MED12L: variants seen among roughly 807,000 people sequenced by gnomAD.
MED12L encodes the protein mediator of RNA polymerase II transcription subunit 12-like protein.
A neutral mutation model predicts 281.3 loss-of-function variants in MED12L; 60 were observed. That is an observed-to-expected ratio of 0.21 (90% CI 0.17 to 0.26). The LOEUF (loss-of-function observed/expected upper bound fraction) is 0.26. MED12L is among the 10% of genes least tolerant of loss of function. The probability of loss-of-function intolerance (pLI) is 1.00; values close to 1 mark genes in which losing one functional copy is unlikely to be tolerated. For missense variants in MED12L, 2,146 were observed against 2,680.9 expected (o/e 0.80, Z 4.41); for synonymous variants, 974 against 987.2 (o/e 0.99, Z 0.25).
intron 16 of MED12L, among the ~76,000 whole-genome samples, chr3:151,239,716 G>C (rs992760282): frequency 4.6e-5 from 7 of 152,088 alleles, no homozygotes; most frequent in African/African-American, 7.2e-5. Flanking sequence ...AAAAATTTGA[G>C]AATTCTTGGC....
chr3:151,213,161 T>C, intron 16 of MED12L: 1 of 648,022 alleles, frequency 1.5e-6, no homozygotes, highest in East Asian at 2.8e-5. Flanking sequence ...GAAACTTATA[T>C]TTGAATTTTA....
At position 151,086,966 on chromosome 3, in the gene MED12L, C is replaced by T; in HGVS notation, c.40C>T (p.Leu14=). The T allele has an allele frequency of 6.2e-7, 1 of 1,610,220 alleles. No homozygotes were observed. ...FGLLSYEQRP[L]KRPRLGPPDV... is the part of the protein sequence containing the mutation. ...GCTTCTCAGCTATGAGCAGAGACCG[C>T]TGAAGCGCCCCCGGCTCGGGCCGCC... is the stretch of plus-strand genomic sequence containing the variant. The change falls in exon 2 of 45, where the codon CTG becomes TTG. Residue 14 remains leucine, a synonymous_variant. Transcript: ENST00000687756.
rs189356908 is a variant in MED12L, at chr3:151,137,148, T to G, written c.556+9164T>G. Reference sequence around the variant, plus strand: ...CTGCACTCCAGCCTGGTAACAGAGGTAGACTCCGTCTCAAAAAAAAAAAGA... The same window carrying G: ...CTGCACTCCAGCCTGGTAACAGAGGGAGACTCCGTCTCAAAAAAAAAAAGA... On this transcript the variant is annotated intron_variant, in intron 5 of 44. Coordinates refer to ENST00000687756, the MANE Select transcript of MED12L (RefSeq NM_001393769.1). Among the ~76,000 whole-genome samples the G allele has an allele frequency of 2.6e-3, 346 of 131,204 alleles. 4 individuals carry two copies. The highest frequency in any genetic ancestry group is 9.8e-3 in the African/African-American group (327 of 33,510). The allele number at this position is 131,204 out of a possible 152,430, so 86.1% of individuals were successfully genotyped here.
intron 16 of MED12L, among the ~76,000 whole-genome samples, chr3:151,285,290 C>A (rs1048203301): frequency 7.2e-5 from 11 of 151,882 alleles, no homozygotes; most frequent in Admixed American, 5.9e-4. Context: ...CAAGACCATC[C>A]TGGCTAACAC....
At chr3:151,127,290 A>T (rs960056554) in intron 4 of MED12L, among the ~76,000 whole-genome samples, 44 of 152,330 alleles carry the variant, frequency 2.9e-4, no homozygotes, top group African/African-American at 1.1e-3. Flanking sequence ...CTGATCCATC[A>T]TTGTAGTCTC....
chr3:151,130,579 C>G (rs970910927), intron 5 of MED12L, among the ~76,000 whole-genome samples: 1 of 152,146 alleles, frequency 6.6e-6, no homozygotes, highest in Non-Finnish European at 1.5e-5. Flanking sequence ...CTTGCATGGC[C>G]CCTTGTCCCA....
chr3:151,121,951 T>A (rs992414608), intron 3 of MED12L, among the ~76,000 whole-genome samples: 3 of 152,064 alleles, frequency 2.0e-5, no homozygotes, highest in African/African-American at 7.2e-5. Context: ...TGACCTCAGG[T>A]GATCCGCCTG....
intron 16 of MED12L, chr3:151,328,249 A>C: frequency 6.2e-7 from 1 of 1,613,960 alleles, no homozygotes; most frequent in Non-Finnish European, 8.5e-7. Context: ...AATGAAATGG[A>C]GCAAAACACA....
At chr3:151,242,297 C>T (rs1297377714) in intron 16 of MED12L, among the ~76,000 whole-genome samples, 4 of 152,248 alleles carry the variant, frequency 2.6e-5, no homozygotes, top group Non-Finnish European at 5.9e-5. Context: ...CTGCCTGCCT[C>T]TCTAGGCTCC....
At chr3:151,225,624 G>T (rs890261348) in intron 16 of MED12L, among the ~76,000 whole-genome samples, 1 of 152,230 alleles carries the variant, frequency 6.6e-6, no homozygotes, top group Non-Finnish European at 1.5e-5. Flanking sequence ...CTTTCTGTCA[G>T]ATCCTATCGG....
At chr3:151,334,282 AC>A (rs1168830164) in intron 16 of MED12L, among the ~76,000 whole-genome samples, 1 of 141,664 alleles carries the variant, frequency 7.1e-6, no homozygotes, top group Non-Finnish European at 1.5e-5. Context: ...ATTTCTCACT[AC>A]CTATTGATTA....
At position 151,141,189 on chromosome 3, in the gene MED12L, T is replaced by TTGTTTTTTTTTTTTTTG. The variant is rs1553808534; in HGVS notation, c.556+13206_556+13207insGTTTTTTTTTTTTTTGT. 3.0e-4 allele frequency among the ~76,000 whole-genome samples: 42 copies of TTGTTTTTTTTTTTTTTG among 138,086 alleles called. 2 individuals carry two copies. Among genetic ancestry groups the TTGTTTTTTTTTTTTTTG allele is most frequent in the African/African-American group, 1.2e-3 (41 of 34,998 alleles). 90.6% of individuals were successfully genotyped at this position (138,086 alleles called of 152,430 possible). A position where few individuals can be genotyped will look rare whatever the true frequency, so the allele number is the denominator to read the frequency against. ...GCGTTTTTTTTTTTGTTTTTTTTGT[T>TTGTTTTTTTTTTTTTTG]TTTTTTTTTTTGTTAGTAGAGACGG... is the stretch of plus-strand genomic sequence containing the variant. On this transcript the variant is annotated intron_variant, in intron 5 of 44. Coordinates refer to ENST00000687756, the MANE Select transcript of MED12L (RefSeq NM_001393769.1).
At chr3:151,429,607 G>A (rs1224465967) in intron 43 of MED12L, among the ~76,000 whole-genome samples, 1 of 152,084 alleles carries the variant, frequency 6.6e-6, no homozygotes, top group African/African-American at 2.4e-5. Context: ...TTCCTCTTTG[G>A]AATAACCACA....
chr3:151,126,668 C>T (rs909068588), intron 4 of MED12L, among the ~76,000 whole-genome samples: 3 of 152,122 alleles, frequency 2.0e-5, no homozygotes, highest in African/African-American at 7.2e-5. Context: ...ACAGAGAGAC[C>T]AGGGCTCTTG....
At chr3:151,194,122 C>T (rs868170022) in intron 16 of MED12L, among the ~76,000 whole-genome samples, 16 of 151,918 alleles carry the variant, frequency 1.1e-4, no homozygotes, top group African/African-American at 2.9e-4. Flanking sequence ...CCTGCCACCA[C>T]GCCTGGCTAA....
At chr3:151,330,040 A>G (rs3971192) in intron 16 of MED12L, among the ~76,000 whole-genome samples, 28,045 of 152,112 alleles carry the variant, frequency 0.18, 3,199 homozygotes, top group South Asian at 0.33. Flanking sequence ...GAAGACTATT[A>G]GATCCAGATT....
In MED12L at chr3:151,411,439, G is replaced by C. The variant is rs773774729; in HGVS notation, c.6072G>C (p.Gln2024His). 2 of 1,614,166 alleles carry C rather than the reference G, an allele frequency of 1.2e-6. No individual in the cohort carries two copies. Among genetic ancestry groups the C allele is most frequent in the Admixed American group, 3.3e-5 (2 of 60,022 alleles). The change falls in exon 41 of 45, where the codon CAG becomes CAC. Residue 2024 changes from glutamine to histidine, a missense_variant. By Grantham distance (24) the Gln-to-His change is conservative. Around this residue, in one of 9 missense-constraint regions of MED12L, gnomAD observed 496 missense variants for 512.0 expected, o/e 0.97. Coordinates refer to ENST00000687756, the MANE Select transcript of MED12L (RefSeq NM_001393769.1). ...TAATGGAAAGACTCAGACAGATTCA[G>C]CAGCAGCCGAGTGGCTATGTTCAGC... ...PVLMERLRQI[Q>H]QQPSGYVQQQ... is the part of the protein sequence containing the mutation.
In MED12L at chr3:151,411,271, C is replaced by T. The variant is rs749999016; in HGVS notation, c.5911-7C>T. 1 of 1,613,058 alleles carries T rather than the reference C, an allele frequency of 6.2e-7. No homozygotes were observed. ...ACATTGACTTCTTCCCTTGTGCCTACCTGCAGACCATGCCACAGGGCTATA... is the reference window on the plus strand; with the variant it reads ...ACATTGACTTCTTCCCTTGTGCCTATCTGCAGACCATGCCACAGGGCTATA... On this transcript the variant is annotated splice_region_variant and splice_polypyrimidine_tract_variant and intron_variant, in intron 40 of 44. Transcript: ENST00000687756.
At chr3:151,269,263 G>C (rs1740411982) in intron 16 of MED12L, among the ~76,000 whole-genome samples, 1 of 152,070 alleles carries the variant, frequency 6.6e-6, no homozygotes. Context: ...AGCCAGGTGT[G>C]GTGGTGCATG....
Sources: gnomAD v4.1 joint callset for allele counts (sites outside exome capture counted in the v4.1 genomes callset) on GRCh38, gnomAD v4.1.1 for gene constraint, gnomAD v4.1.1 regional missense constraint, MANE v1.5 for transcripts, NCBI Gene and HGNC (gene_info 2026-07-23, HGNC 2026-07-21) for gene names.